HLF: variants seen among roughly 807,000 people sequenced by gnomAD.
HLF encodes hepatic leukemia factor.
In HLF, 3 loss-of-function variants were observed where a neutral mutation model predicts 22.6. The observed-to-expected ratio is 0.13, with a 90% confidence interval of 0.06 to 0.34. The LOEUF (loss-of-function observed/expected upper bound fraction) is 0.34, where lower values mean the gene tolerates loss of function less well. Ranked by LOEUF, HLF falls within the 10% of genes least tolerant of loss-of-function variation. The pLI is 1.00. For missense variants in HLF, 299 were observed against 389.2 expected (o/e 0.77, Z 1.95); for synonymous variants, 151 against 151.8 (o/e 0.99, Z 0.04).
chr17:55,291,147 T>C (rs952206382), intron 2 of HLF, among the ~76,000 whole-genome samples: 2 of 152,214 alleles, frequency 1.3e-5, no homozygotes, highest in African/African-American at 4.8e-5. Context: ...AGAAATGATG[T>C]AGACACTGCA....
intron 2 of HLF, among the ~76,000 whole-genome samples, chr17:55,286,569 C>T (rs1242185299): frequency 6.6e-6 from 1 of 152,078 alleles, no homozygotes; most frequent in African/African-American, 2.4e-5. Context: ...TTAAACCTTC[C>T]TTAGGAAAGA....
At position 55,323,444 on chromosome 17, in the gene HLF, G is replaced by GCACTGGTCT; in HGVS notation, c.*2567_*2575dup. 1 of 214,406 alleles carries GCACTGGTCT rather than the reference G, an allele frequency of 4.7e-6. No homozygotes were observed. The highest frequency in any genetic ancestry group is 9.4e-6 in the Non-Finnish European group (1 of 105,998). The allele number at this position is 214,406 out of a possible 1,614,324, so 13.3% of individuals were successfully genotyped here. On this transcript the variant is annotated 3_prime_UTR_variant, in exon 4 of 4. Coordinates refer to ENST00000226067, the MANE Select transcript of HLF (RefSeq NM_002126.5). The stretch of plus-strand genomic sequence containing the variant: ...TGGTAGCTGAAAAAACTATATTTGA[G>GCACTGGTCT]CACTGGTCTCTCTTGGAATTAGATG...
intron 2 of HLF, among the ~76,000 whole-genome samples, chr17:55,289,376 A>G (rs143059650): frequency 2.6e-5 from 4 of 152,314 alleles, no homozygotes; most frequent in African/African-American, 9.6e-5. Flanking sequence ...AATTCATTCT[A>G]TGTACCCCAG....
At chr17:55,275,584 C>T (rs769110697) in intron 2 of HLF, among the ~76,000 whole-genome samples, 2 of 152,160 alleles carry the variant, frequency 1.3e-5, no homozygotes, top group African/African-American at 4.8e-5. Flanking sequence ...GTTTATCCTC[C>T]GGCTTGCAAG....
chr17:55,301,772 T>C (rs1598403216), intron 2 of HLF, among the ~76,000 whole-genome samples: 1 of 152,026 alleles, frequency 6.6e-6, no homozygotes, highest in Admixed American at 6.5e-5. Flanking sequence ...CTAGGAAGAG[T>C]AATCTGGTGG....
chr17:55,298,949 C>T (rs1270941094), intron 2 of HLF, among the ~76,000 whole-genome samples: 1 of 152,174 alleles, frequency 6.6e-6, no homozygotes, highest in Non-Finnish European at 1.5e-5. Flanking sequence ...TGTGGTCTTT[C>T]CTTTCCCTCT....
At chr17:55,288,436 C>G (rs1203881486) in intron 2 of HLF, among the ~76,000 whole-genome samples, 1 of 152,098 alleles carries the variant, frequency 6.6e-6, no homozygotes, top group East Asian at 1.9e-4. Context: ...GTGTGAGCCA[C>G]CACGCCCGGC....
chr17:55,294,780 A>T (rs1054167520), intron 2 of HLF, among the ~76,000 whole-genome samples: 1 of 152,184 alleles, frequency 6.6e-6, no homozygotes, highest in African/African-American at 2.4e-5. Context: ...AAAAACAAGA[A>T]CAAGAAAGAG....
At chr17:55,291,669 T>A (rs550110714) in intron 2 of HLF, among the ~76,000 whole-genome samples, 25 of 152,234 alleles carry the variant, frequency 1.6e-4, no homozygotes, top group Non-Finnish European at 2.6e-4. Flanking sequence ...AGGAATAATT[T>A]TGACTGTCAA....
intron 2 of HLF, among the ~76,000 whole-genome samples, chr17:55,289,892 G>C (rs1024192734): frequency 4.6e-5 from 7 of 152,028 alleles, no homozygotes; most frequent in Admixed American, 3.9e-4. Context: ...TAATAAATAA[G>C]CCTGTTTTCA....
At chr17:55,297,843 G>C (rs151132803) in intron 2 of HLF, among the ~76,000 whole-genome samples, 3 of 133,982 alleles carry the variant, frequency 2.2e-5, no homozygotes, top group Non-Finnish European at 4.6e-5. Context: ...TCTGCCTCCC[G>C]GGTTCAAGCA....
At chr17:55,313,514 A>G (rs1904933895) in intron 2 of HLF, among the ~76,000 whole-genome samples, 1 of 152,058 alleles carries the variant, frequency 6.6e-6, no homozygotes, top group South Asian at 2.1e-4. Flanking sequence ...TTACATGATG[A>G]TAGGAGATGG....
chr17:55,300,041 A>G (rs1371750169), intron 2 of HLF, among the ~76,000 whole-genome samples: 2 of 152,098 alleles, frequency 1.3e-5, no homozygotes, highest in African/African-American at 2.4e-5. Flanking sequence ...ATCTTGCTAC[A>G]TTGCCCAGAC....
In HLF at chr17:55,268,032, C is replaced by T. The variant is rs1456536255; in HGVS notation, c.397C>T (p.Pro133Ser). The T allele has an allele frequency of 6.2e-7, 1 of 1,606,252 alleles. No homozygotes were observed. Among genetic ancestry groups the T allele is most frequent in the Admixed American group, 1.7e-5 (1 of 59,028 alleles). Residue 133 changes from proline to serine, a missense_variant, in exon 2 of 4, where the codon CCC (proline) becomes TCC (serine). Around this residue, in one of 3 missense-constraint regions of HLF, gnomAD observed 224 missense variants for 298.1 expected, o/e 0.75. Coordinates refer to ENST00000226067, the MANE Select transcript of HLF (RefSeq NM_002126.5). ...VMDLSSRASA[P>S]LHPGIPSPNC... Reference sequence around the variant, plus strand: ...GGACCTCAGCAGCCGGGCCTCTGCACCCCTTCACCCTGGCATCCCATCTCC... The same window carrying T: ...GGACCTCAGCAGCCGGGCCTCTGCATCCCTTCACCCTGGCATCCCATCTCC...
intron 2 of HLF, among the ~76,000 whole-genome samples, chr17:55,305,163 C>T (rs1167001338): frequency 6.6e-6 from 1 of 152,194 alleles, no homozygotes; most frequent in Non-Finnish European, 1.5e-5. Flanking sequence ...GAATCCTTAC[C>T]CTTCTCCTAG....
chr17:55,297,899 A>C (rs1246584681), intron 2 of HLF, among the ~76,000 whole-genome samples: 2 of 151,450 alleles, frequency 1.3e-5, no homozygotes. Context: ...ACAGGTGCCC[A>C]CCACCATGCC....
rs1905405106 is a variant in HLF, at chr17:55,324,842, TA to T, written c.*3965del. 1 of 233,288 alleles carries T rather than the reference TA, an allele frequency of 4.3e-6. No homozygotes were observed. The highest frequency in any genetic ancestry group is 5.6e-5 in the Admixed American group (1 of 17,748). The allele number at this position is 233,288 out of a possible 1,614,324, so 14.5% of individuals were successfully genotyped here. A position where few individuals can be genotyped will look rare whatever the true frequency, so the allele number is the denominator to read the frequency against. ...GTGTGTGTGTGTGTATGTGTGTGAA[TA>T]AGTCGACATAAAGTCTTTAATTTTG... On this transcript the variant is annotated 3_prime_UTR_variant, in exon 4 of 4. Coordinates refer to ENST00000226067, the MANE Select transcript of HLF (RefSeq NM_002126.5).
At chr17:55,306,574 GTA>G (rs1555608794) in intron 2 of HLF, among the ~76,000 whole-genome samples, 4 of 146,000 alleles carry the variant, frequency 2.7e-5, no homozygotes, top group Non-Finnish European at 6.1e-5. Context: ...GTGTGTGTGT[GTA>G]TGCATGTGTA....
intron 3 of HLF, among the ~76,000 whole-genome samples, chr17:55,317,653 A>G (rs1905121952): frequency 6.6e-6 from 1 of 150,484 alleles, no homozygotes. Flanking sequence ...CAGGAAGCAG[A>G]GCTGTAACAT....
Sources: allele counts gnomAD v4.1 joint callset (sites outside exome capture counted in the v4.1 genomes callset), GRCh38; gene constraint gnomAD v4.1.1; regional missense constraint gnomAD v4.1.1; transcripts MANE v1.5; gene names NCBI Gene and HGNC (gene_info 2026-07-23, HGNC 2026-07-21).